Variants in ATP10A observed in about 807,000 individuals in gnomAD.
ATP10A encodes ATPase phospholipid transporting 10A (putative), also known as phospholipid-transporting ATPase VA.
In ATP10A, 111 loss-of-function variants were observed where a neutral mutation model predicts 147.8. The observed-to-expected ratio is 0.75, with a 90% CI of 0.64 to 0.88. The LOEUF (loss-of-function observed/expected upper bound fraction) is 0.88. Ranked by LOEUF, ATP10A falls within the 40% of genes least tolerant of loss-of-function variation. ATP10A has a pLI of 0.00. For synonymous variants in ATP10A, 875 were observed against 841.6 expected, an observed-to-expected ratio of 1.04 and a Z score of -0.69; for missense variants, 1,927 against 1,959.0, an observed-to-expected ratio of 0.98 and a Z score of 0.31.
chr15:25,694,663 T>G (rs1420692037), intron 14 of ATP10A, among the ~76,000 whole-genome samples, 156 bp downstream of exon 14: 6 of 152,362 alleles, frequency 3.9e-5, no homozygotes, highest in Admixed American at 2.6e-4. Flanking sequence ...AAACTTTACC[T>G]TCGGAACATG....
chr15:25,758,781 A>ACTCATTCCGACCACCTGCTCCACC (rs1888578637), intron 2 of ATP10A, among the ~76,000 whole-genome samples: 1 of 43,462 alleles, frequency 2.3e-5, no homozygotes, highest in Non-Finnish European at 5.1e-5. Flanking sequence ...CTCCACCCTA[A>ACTCATTCCGACCACCTGCTCCACC]CTCATTCCGA....
intron 3 of ATP10A, among the ~76,000 whole-genome samples, chr15:25,728,176 C>T (rs773064836): frequency 5.3e-5 from 8 of 152,340 alleles, no homozygotes; most frequent in Middle Eastern, 3.4e-3. Context: ...CTGTATGGCT[C>T]TTAGCGTCTC....
intron 1 of ATP10A, among the ~76,000 whole-genome samples, chr15:25,828,526 C>T (rs1892215338): frequency 6.6e-6 from 1 of 152,076 alleles, no homozygotes; most frequent in Non-Finnish European, 1.5e-5. Flanking sequence ...TTAAACAATC[C>T]ACTCTTAAAT....
chr15:25,810,074 C>T (rs1472351072), intron 1 of ATP10A, among the ~76,000 whole-genome samples: 1 of 152,044 alleles, frequency 6.6e-6, no homozygotes, highest in Non-Finnish European at 1.5e-5. Context: ...TTAGGCTCAT[C>T]ACCTAGCAAC....
At chr15:25,753,438 A>G (rs929629234) in intron 2 of ATP10A, among the ~76,000 whole-genome samples, 1 of 152,156 alleles carries the variant, frequency 6.6e-6, no homozygotes, top group African/African-American at 2.4e-5. Flanking sequence ...TTTAAAGCTG[A>G]ATAGTATTTC....
At position 25,769,073 on chromosome 15, in the gene ATP10A, C is replaced by T. The variant is rs11857421; in HGVS notation, c.654+11946G>A. Among the ~76,000 whole-genome samples the T allele has an allele frequency of 3.5e-3, 527 of 152,290 alleles. 5 individuals carry two copies. Among genetic ancestry groups the T allele is most frequent in the African/African-American group, 0.012 (505 of 41,570 alleles). Reference sequence around the variant, plus strand: ...GCTTATTAGTGCCTTGACTCTCACACACACATGCATGCACACGCGCTCCAA... The same window carrying T: ...GCTTATTAGTGCCTTGACTCTCACATACACATGCATGCACACGCGCTCCAA... On this transcript the variant is annotated intron_variant, in intron 2 of 20. Coordinates refer to ENST00000555815, the MANE Select transcript of ATP10A (RefSeq NM_024490.4).
chr15:25,760,737 T>C (rs1417762355), intron 2 of ATP10A, among the ~76,000 whole-genome samples: 1 of 152,100 alleles, frequency 6.6e-6, no homozygotes, highest in Admixed American at 6.6e-5. Flanking sequence ...TGTCAGCACT[T>C]TGGGAGACTG....
intron 2 of ATP10A, among the ~76,000 whole-genome samples, chr15:25,736,523 C>T (rs1229858049): frequency 1.3e-5 from 2 of 152,150 alleles, no homozygotes; most frequent in Non-Finnish European, 2.9e-5. Context: ...CAAATTCCAC[C>T]TGGAAAACAG....
intron 15 of ATP10A, among the ~76,000 whole-genome samples, chr15:25,689,515 C>T (rs1250422145): frequency 6.6e-6 from 1 of 152,234 alleles, no homozygotes; most frequent in Non-Finnish European, 1.5e-5. Flanking sequence ...ATCCCTCTCC[C>T]TCAGCAACCC....
Position 25,787,836 on chromosome 15 carries a change from C to T in ATP10A, c.450-6613G>A, listed in dbSNP as rs76316635. Reference sequence around the variant, plus strand: ...TTTTTGCTACAAACTGGGAAGTGCCCCCTACATCGGCCTGCATAGATGAGG... The same window carrying T: ...TTTTTGCTACAAACTGGGAAGTGCCTCCTACATCGGCCTGCATAGATGAGG... On this transcript the variant is annotated intron_variant, in intron 1 of 20. Coordinates refer to ENST00000555815, the MANE Select transcript of ATP10A (RefSeq NM_024490.4). 9.0e-3 allele frequency among the ~76,000 whole-genome samples: 1,375 copies of T among 152,044 alleles called. 20 individuals are homozygous for T. The highest frequency in any genetic ancestry group is 0.032 in the African/African-American group (1,311 of 41,452).
intron 1 of ATP10A, among the ~76,000 whole-genome samples, chr15:25,813,850 C>CTT (rs55832964): frequency 8.0e-5 from 12 of 149,316 alleles, no homozygotes; most frequent in East Asian, 5.9e-4. Context: ...ATGAAACAGA[C>CTT]TTTTTTTTTT....
At chr15:25,725,048 C>T (rs377015099) in intron 5 of ATP10A, among the ~76,000 whole-genome samples, 102 of 152,280 alleles carry the variant, frequency 6.7e-4, no homozygotes, top group African/African-American at 2.2e-3. Context: ...AGGAACTGGG[C>T]AGCACAGCTG....
intron 2 of ATP10A, among the ~76,000 whole-genome samples, chr15:25,746,302 A>G (rs899775204): frequency 1.3e-5 from 2 of 152,190 alleles, no homozygotes; most frequent in African/African-American, 4.8e-5. Context: ...AACTCATTTG[A>G]AAAATAAAAA....
At chr15:25,699,637 G>A (rs188889469) in intron 13 of ATP10A, among the ~76,000 whole-genome samples, 5 of 152,280 alleles carry the variant, frequency 3.3e-5, no homozygotes, top group Non-Finnish European at 2.9e-5. Flanking sequence ...GAGAGGCCGA[G>A]GCAGGACAAT....
At chr15:25,692,567 C>T (rs570773712) in intron 14 of ATP10A, among the ~76,000 whole-genome samples, 1 of 152,234 alleles carries the variant, frequency 6.6e-6, no homozygotes, top group East Asian at 1.9e-4. Context: ...TGTCTCTTCC[C>T]TGTGATTTTC....
At chr15:25,771,293 G>A (rs181796855) in intron 2 of ATP10A, among the ~76,000 whole-genome samples, 5 of 152,196 alleles carry the variant, frequency 3.3e-5, no homozygotes, top group South Asian at 2.1e-4. Flanking sequence ...CAAAGAGCCC[G>A]GCACGGCAGC....
At chr15:25,726,332 G>A (rs1018735235) in intron 4 of ATP10A, among the ~76,000 whole-genome samples, 11 of 152,062 alleles carry the variant, frequency 7.2e-5, no homozygotes, top group Non-Finnish European at 7.4e-5. Context: ...ATACACTACC[G>A]TGCCAAGAAA....
chr15:25,701,964 T>C lies in ATP10A; in HGVS notation c.2712A>G (p.Lys904=), dbSNP rs1900689449. 1.9e-6 allele frequency: 3 copies of C among 1,613,568 alleles called. No homozygotes were observed. Among genetic ancestry groups the C allele is most frequent in the Non-Finnish European group, 2.5e-6 (3 of 1,179,798 alleles). ...TGACCTCCTCGTCGTGGTCCAGCAGTTTGCAGGCATATGCAATGTTGACAG... is the reference window on the plus strand; with the variant it reads ...TGACCTCCTCGTCGTGGTCCAGCAGCTTGCAGGCATATGCAATGTTGACAG... ...ETAVNIAYAC[K]LLDHDEEVIT... The change falls in exon 13 of 21, where the codon AAA becomes AAG. Residue 904 remains lysine (K), a synonymous_variant. Coordinates refer to ENST00000555815, the MANE Select transcript of ATP10A (RefSeq NM_024490.4).
chr15:25,826,192 A>C (rs1425096239), intron 1 of ATP10A, among the ~76,000 whole-genome samples: 1 of 152,212 alleles, frequency 6.6e-6, no homozygotes, highest in East Asian at 1.9e-4. Flanking sequence ...GACATCATCA[A>C]GCAAACAGAT....
Sources: gnomAD v4.1 joint callset for allele counts (sites outside exome capture counted in the v4.1 genomes callset) on GRCh38, gnomAD v4.1.1 for gene constraint, MANE v1.5 for transcripts, NCBI Gene and HGNC (gene_info 2026-07-23, HGNC 2026-07-21) for gene names.